Variants in BRCA1 observed in about 807,000 individuals in gnomAD.
The protein encoded by BRCA1 is BRCA1 DNA repair associated.
In BRCA1, 140 loss-of-function variants were observed where a neutral mutation model predicts 173.7. The observed-to-expected ratio is 0.81, with a 90% confidence interval of 0.70 to 0.93. The LOEUF is 0.93. BRCA1 is among the 40% of genes least tolerant of loss of function. The probability of loss-of-function intolerance (pLI) is 0.00; values close to 1 mark genes in which losing one functional copy is unlikely to be tolerated. For synonymous variants in BRCA1, 662 were observed against 756.0 expected (o/e 0.88, Z 2.04); for missense variants, 1,983 against 2,172.5 (o/e 0.91, Z 1.73).
Position 43,093,382 on chromosome 17 carries a change from C to T in BRCA1, c.2149G>A (p.Glu717Lys). 1 of 1,614,020 alleles carries T rather than the reference C, an allele frequency of 6.2e-7. No homozygotes were observed. The highest frequency in any genetic ancestry group is 8.5e-7 in the Non-Finnish European group (1 of 1,180,004). Residue 717 changes from glutamate (E) to lysine (K), a missense_variant, in exon 10 of 23, where the codon GAA becomes AAA. Glu to Lys is a moderately conservative substitution (Grantham distance 56). Coordinates refer to ENST00000357654, the MANE Select transcript of BRCA1 (RefSeq NM_007294.4). Reference sequence around the variant, plus strand: ...CTAGGATTGACAAATTCTTTAAGTTCACTGGTATTTGAACACTTAGTAAAA... The same window carrying T: ...CTAGGATTGACAAATTCTTTAAGTTTACTGGTATTTGAACACTTAGTAAAA... The part of the protein sequence containing the change: ...GSFTKCSNTS[E>K]LKEFVNPSLP...
rs397507201 is a variant in BRCA1 at position 43,093,105 on chromosome 17, T to C, written c.2426A>G (p.Glu809Gly). The change falls in exon 10 of 23, where the codon GAA becomes GGA. Residue 809 changes from glutamate (E) to glycine (G), a missense_variant. Transcript: ENST00000357654. ...ACCATGAATTAGTCCCTTGGGGTTT[T>C]CAAATGCTGCACACTGACTCACACA... ...NKCVSQCAAFENPKGLIHGCS... is the reference protein window; with the variant it reads ...NKCVSQCAAFGNPKGLIHGCS... 2.9e-5 allele frequency: 46 copies of C among 1,613,550 alleles called. No individual in the cohort carries two copies. In the South Asian group the frequency reaches 4.5e-4, roughly 16 times the overall value.
intron 18 of BRCA1, among the ~76,000 whole-genome samples, chr17:43,061,217 C>T (rs779816514): frequency 3.3e-5 from 5 of 152,052 alleles, no homozygotes; most frequent in Non-Finnish European, 7.4e-5. Context: ...AGATGCATTC[C>T]CTTCATTTTT....
rs1555593648 is a variant in BRCA1, at chr17:43,095,978, T to A, written c.594-56A>T. 5.7e-6 allele frequency: 8 copies of A among 1,395,304 alleles called. No individual in the cohort carries two copies. In the East Asian group the frequency reaches 1.6e-4, roughly 28 times the overall value. The allele number at this position is 1,395,304 out of a possible 1,614,324, so 86.4% of individuals were successfully genotyped here. ...AACACTAGTTACATGTATGCAGAACTGTCAAATGACCAAGATCAAACATTT... is the reference window on the plus strand; with the variant it reads ...AACACTAGTTACATGTATGCAGAACAGTCAAATGACCAAGATCAAACATTT... On this transcript the variant is annotated intron_variant, in intron 8 of 22. Coordinates refer to ENST00000357654, the MANE Select transcript of BRCA1 (RefSeq NM_007294.4).
chr17:43,087,621 C>T (rs537805724), intron 11 of BRCA1, among the ~76,000 whole-genome samples: 1 of 148,980 alleles, frequency 6.7e-6, no homozygotes, highest in South Asian at 2.1e-4. Flanking sequence ...AAGGTCACAC[C>T]ACTGCACTCC....
At chr17:43,063,205 A>G in intron 18 of BRCA1, 128 bp downstream of exon 18, 1 of 805,040 alleles carries the variant, frequency 1.2e-6, no homozygotes, top group Non-Finnish European at 2.1e-6. Flanking sequence ...ATTCTTGATG[A>G]TCCTCATTAT....
Position 43,092,401 on chromosome 17 carries a change from T to C in BRCA1, c.3130A>G (p.Ile1044Val), listed in dbSNP as rs80357271. The change falls in exon 10 of 23, where the codon ATT (isoleucine) becomes GTT (valine). Residue 1044 changes from isoleucine (I) to valine (V), a missense_variant. Coordinates refer to ENST00000357654, the MANE Select transcript of BRCA1 (RefSeq NM_007294.4). ...NVFKEASSSN[I>V]NEVGSSTNEV... ...TTAGTACTGGAACCTACTTCATTAA[T>C]ATTGCTTGAGCTGGCTTCTTTAAAA... 1.6e-5 allele frequency: 26 copies of C among 1,613,822 alleles called. No individual in the cohort carries two copies. Among genetic ancestry groups the C allele is most frequent in the African/African-American group, 5.3e-5 (4 of 74,906 alleles).
chr17:43,093,658 G>A lies in BRCA1; in HGVS notation c.1873C>T (p.Leu625=), dbSNP rs769044421. ...SSTRHIHALE[L]VVSRNLSPPN... is the part of the protein sequence containing the mutation. Reference sequence around the variant, plus strand: ...GGGCTTAGATTTCTACTGACTACTAGTTCAAGCGCATGAATATGCCTGGTA... The same window carrying A: ...GGGCTTAGATTTCTACTGACTACTAATTCAAGCGCATGAATATGCCTGGTA... Residue 625 remains leucine, a synonymous_variant, in exon 10 of 23, where the codon CTA becomes TTA. Coordinates refer to ENST00000357654, the MANE Select transcript of BRCA1 (RefSeq NM_007294.4). 4.3e-6 allele frequency: 7 copies of A among 1,613,950 alleles called. No homozygotes were observed. In the East Asian group the frequency reaches 1.1e-4, roughly 26 times the overall value.
chr17:43,065,790 T>A (rs574285625), intron 16 of BRCA1, among the ~76,000 whole-genome samples: 1 of 152,244 alleles, frequency 6.6e-6, no homozygotes, highest in Non-Finnish European at 1.5e-5. Context: ...GCGTCCTCCA[T>A]GCACTCGTCT....
intron 22 of BRCA1, among the ~76,000 whole-genome samples, chr17:43,046,366 G>T (rs1186656448): frequency 1.3e-5 from 2 of 151,614 alleles, no homozygotes; most frequent in African/African-American, 4.8e-5. Flanking sequence ...AAGTAGCAGG[G>T]ATTACAGGTG....
intron 16 of BRCA1, among the ~76,000 whole-genome samples, chr17:43,066,420 T>C (rs533329834): frequency 1.3e-5 from 2 of 152,186 alleles, no homozygotes; most frequent in Admixed American, 6.5e-5. Flanking sequence ...TTCTTTCTTT[T>C]GTTGTTGTTG....
At position 43,063,523 on chromosome 17, in the gene BRCA1, T is replaced by G. The variant is rs869312520; in HGVS notation, c.5153-150A>C. The stretch of plus-strand genomic sequence containing the variant: ...TAAAGCCACAGCCCTTTAATAAGGC[T>G]TGTAGCAGCAGTTTCCTTCTGGAGA... On this transcript the variant is annotated intron_variant, in intron 17 of 22. Transcript: ENST00000357654. 1.4e-6 allele frequency: 1 copy of G among 709,566 alleles called. No individual in the cohort carries two copies. Among genetic ancestry groups the G allele is most frequent in the Non-Finnish European group, 2.5e-6 (1 of 403,030 alleles). The allele number at this position is 709,566 out of a possible 1,614,324, so 44.0% of individuals were successfully genotyped here.
chr17:43,094,736 A>G lies in BRCA1; in HGVS notation c.795T>C (p.Ser265=), dbSNP rs201441987. The G allele has an allele frequency of 4.2e-5, 67 of 1,610,722 alleles. No homozygotes were observed. The East Asian group carries it at 1.3e-3, about 32-fold the overall frequency. The change falls in exon 10 of 23, where the codon TCT becomes TCC. Residue 265 remains serine, a synonymous_variant. Transcript: ENST00000357654. The part of the protein sequence containing the change: ...ERHPEKYQGS[S]VSNLHVEPCG... ...ATGGCTCCACATGCAAGTTTGAAAC[A>G]GAACTACCCTGATACTTTTCTGGAT...
chr17:43,075,149 G>A (rs1241194400), intron 13 of BRCA1, among the ~76,000 whole-genome samples: 5 of 152,074 alleles, frequency 3.3e-5, no homozygotes, highest in African/African-American at 4.8e-5. Context: ...ATTACTCACT[G>A]CCACTCACTC....
intron 1 of BRCA1, among the ~76,000 whole-genome samples, chr17:43,168,411 G>T (rs1293318977): frequency 6.6e-6 from 1 of 152,248 alleles, no homozygotes; most frequent in East Asian, 1.9e-4. Flanking sequence ...GCCGAGGCGG[G>T]CGGATGACCT....
At chr17:43,096,019 C>T (rs1450561222) in intron 8 of BRCA1, 97 bp from the exon 9 acceptor site, 3 of 1,010,712 alleles carry the variant, frequency 3.0e-6, no homozygotes, top group Admixed American at 2.0e-5. Flanking sequence ...CTTTCGATTA[C>T]AGAAAGCTGA....
chr17:43,151,793 G>T (rs1316685051), intron 1 of BRCA1, among the ~76,000 whole-genome samples: 1 of 152,198 alleles, frequency 6.6e-6, no homozygotes, highest in Non-Finnish European at 1.5e-5. Flanking sequence ...CTACTTGGGA[G>T]GCTGAGGAGG....
rs2054392272 is a variant in BRCA1, at chr17:43,100,650, TATATAACATATATATATATATATATATA to T, written c.442-798_442-771del. ...ATATATGTTATATATATATAACATA[TATATAACATATATATATATATATATATA>T]ATATATATATATATATATATATATG... is the stretch of plus-strand genomic sequence containing the variant. On this transcript the variant is annotated intron_variant, in intron 6 of 22. Coordinates refer to ENST00000357654, the MANE Select transcript of BRCA1 (RefSeq NM_007294.4). 6.4e-5 allele frequency among the ~76,000 whole-genome samples: 3 copies of T among 46,848 alleles called. No individual in the cohort carries two copies. In the Admixed American group the frequency reaches 1.1e-3, roughly 17 times the overall value. 30.7% of individuals were successfully genotyped at this position (46,848 alleles called of 152,430 possible).
chr17:43,129,152 T>C (rs2055943040), upstream of BRCA1, among the ~76,000 whole-genome samples: 1 of 152,240 alleles, frequency 6.6e-6, no homozygotes, highest in African/African-American at 2.4e-5. Flanking sequence ...TTATGAAAGC[T>C]GAAGGCCTAG....
intron 9 of BRCA1, among the ~76,000 whole-genome samples, chr17:43,095,206 T>C (rs957106937): frequency 2.6e-5 from 4 of 152,192 alleles, no homozygotes; most frequent in Non-Finnish European, 5.9e-5. Flanking sequence ...GTCTACTTAA[T>C]ACTCTGTTCT....
Sources: gnomAD v4.1 joint callset for allele counts (sites outside exome capture counted in the v4.1 genomes callset) on GRCh38, gnomAD v4.1.1 for gene constraint, MANE v1.5 for transcripts, NCBI Gene and HGNC (gene_info 2026-07-23, HGNC 2026-07-21) for gene names.